MAGI2: variants seen among roughly 807,000 people sequenced by gnomAD.
The protein encoded by MAGI2 is membrane associated guanylate kinase, WW and PDZ domain containing 2.
MAGI2 carries 35 observed loss-of-function variants against 133.3 expected under a neutral mutation model. That is an observed-to-expected ratio of 0.26 (90% confidence interval 0.20 to 0.35). The LOEUF is 0.35. Ranked by LOEUF, MAGI2 falls within the 10% of genes least tolerant of loss-of-function variation. MAGI2 has a pLI of 1.00. For synonymous variants in MAGI2, 729 were observed against 710.6 expected, an observed-to-expected ratio of 1.03 and a Z score of -0.41; for missense variants, 1,636 against 1,863.4, an observed-to-expected ratio of 0.88 and a Z score of 2.25.
intron 9 of MAGI2, among the ~76,000 whole-genome samples, chr7:78,319,140 C>A (rs1787729024): frequency 6.6e-6 from 1 of 152,148 alleles, no homozygotes; most frequent in Admixed American, 6.5e-5. Flanking sequence ...TGTAAATGGA[C>A]TAAATGCCCC....
intron 1 of MAGI2, among the ~76,000 whole-genome samples, chr7:79,385,869 ATAG>A (rs1487963755): frequency 6.6e-6 from 1 of 151,966 alleles, no homozygotes; most frequent in Middle Eastern, 3.2e-3. Flanking sequence ...TAACTGTGAG[ATAG>A]TAGATGTTAA....
At chr7:78,410,251 G>T (rs1311845432) in intron 6 of MAGI2, among the ~76,000 whole-genome samples, 1 of 151,926 alleles carries the variant, frequency 6.6e-6, no homozygotes, top group South Asian at 2.1e-4. Flanking sequence ...CAGAATAAGC[G>T]GGATTAAAAC....
Position 78,446,376 on chromosome 7 carries a change from A to G in MAGI2, c.1045+43385T>C, listed in dbSNP as rs189484371. Among the ~76,000 whole-genome samples, 26 of 152,220 alleles carry G rather than the reference A, an allele frequency of 1.7e-4. No individual in the cohort carries two copies. In the East Asian group the frequency reaches 3.9e-3, roughly 23 times the overall value. On this transcript the variant is annotated intron_variant, in intron 6 of 21. Coordinates refer to ENST00000354212, the MANE Select transcript of MAGI2 (RefSeq NM_012301.4). ...TGTGGGACTTTCAATGGTAATCAAC[A>G]TATCCTGGAAGGACATATAAAAATG...
At chr7:79,177,607 G>A (rs965232648) in intron 1 of MAGI2, among the ~76,000 whole-genome samples, 1 of 152,050 alleles carries the variant, frequency 6.6e-6, no homozygotes, top group East Asian at 1.9e-4. Flanking sequence ...CATTTTCTAT[G>A]CACTCAGCAA....
chr7:78,651,570 T>C (rs2151015046), intron 2 of MAGI2, among the ~76,000 whole-genome samples: 1 of 152,148 alleles, frequency 6.6e-6, no homozygotes, highest in Non-Finnish European at 1.5e-5. Context: ...GAAAATAACT[T>C]CCAATAATAT....
chr7:78,783,713 A>G (rs1257517153), intron 2 of MAGI2, among the ~76,000 whole-genome samples: 2 of 152,168 alleles, frequency 1.3e-5, no homozygotes, highest in African/African-American at 4.8e-5. Flanking sequence ...TCCTCAAGCA[A>G]CCACATCCAC....
At chr7:78,464,855 A>G (rs1276522046) in intron 6 of MAGI2, among the ~76,000 whole-genome samples, 1 of 152,086 alleles carries the variant, frequency 6.6e-6, no homozygotes, top group Non-Finnish European at 1.5e-5. Context: ...GCTTTAAGAA[A>G]TGCTTGATGA....
intron 1 of MAGI2, among the ~76,000 whole-genome samples, chr7:79,191,372 T>TTTC (rs1214623098): frequency 6.7e-6 from 1 of 149,242 alleles, no homozygotes; most frequent in African/African-American, 2.5e-5. Flanking sequence ...TTCCTGAGCA[T>TTTC]TTCTTCTTTT....
chr7:79,077,387 C>A (rs1815564271), intron 1 of MAGI2, among the ~76,000 whole-genome samples: 1 of 150,818 alleles, frequency 6.6e-6, no homozygotes, highest in Admixed American at 6.6e-5. Flanking sequence ...GAAACCCCGT[C>A]TCTAATAAAA....
intron 1 of MAGI2, among the ~76,000 whole-genome samples, chr7:79,376,407 C>T (rs1474501333): frequency 6.6e-6 from 1 of 151,764 alleles, no homozygotes; most frequent in Non-Finnish European, 1.5e-5. Context: ...TAATAAAATG[C>T]CTACATGATA....
intron 2 of MAGI2, among the ~76,000 whole-genome samples, chr7:78,961,784 A>T (rs1802863833): frequency 6.6e-6 from 1 of 152,034 alleles, no homozygotes; most frequent in Non-Finnish European, 1.5e-5. Flanking sequence ...AACAAAGGGG[A>T]TATATCTGAG....
chr7:78,736,817 C>T (rs1381984127), intron 2 of MAGI2, among the ~76,000 whole-genome samples: 1 of 152,042 alleles, frequency 6.6e-6, no homozygotes. Context: ...AAGAATGTCC[C>T]TGACCAAACA....
At chr7:78,599,921 T>A (rs896015383) in intron 3 of MAGI2, among the ~76,000 whole-genome samples, 1 of 152,206 alleles carries the variant, frequency 6.6e-6, no homozygotes, top group Non-Finnish European at 1.5e-5. Flanking sequence ...GAACCTTTCG[T>A]GTGAACTTTG....
At chr7:78,555,224 AGAT>A (rs1799714649) in intron 3 of MAGI2, among the ~76,000 whole-genome samples, 2 of 101,354 alleles carry the variant, frequency 2.0e-5, no homozygotes, top group South Asian at 3.7e-4. Context: ...ATAGATAGAC[AGAT>A]AGATAGATAG....
chr7:78,304,289 C>A lies in MAGI2; in HGVS notation c.1408+39489G>T, dbSNP rs550597977. On this transcript the variant is annotated intron_variant, in intron 9 of 21. Transcript: ENST00000354212. ...AACAGGGCTCATGCTATCTTTCTGA[C>A]ATAATCTCCTATCACTCTCCTTAGC... 2.6e-5 allele frequency among the ~76,000 whole-genome samples: 4 copies of A among 152,268 alleles called. No individual in the cohort carries two copies. The East Asian group carries it at 7.7e-4, about 29-fold the overall frequency.
chr7:78,419,370 C>G (rs988370423), intron 6 of MAGI2, among the ~76,000 whole-genome samples: 2 of 147,698 alleles, frequency 1.4e-5, no homozygotes, highest in Admixed American at 1.4e-4. Context: ...ATTTACCGGC[C>G]TATGTTAATT....
chr7:78,419,407 G>GCGTT (rs386410528), intron 6 of MAGI2, among the ~76,000 whole-genome samples: 5 of 151,700 alleles, frequency 3.3e-5, no homozygotes, highest in Non-Finnish European at 7.4e-5. Flanking sequence ...GCTTGTGTGT[G>GCGTT]TGTGTGTAAG....
intron 2 of MAGI2, among the ~76,000 whole-genome samples, chr7:78,801,965 T>C (rs1281181471): frequency 6.6e-6 from 1 of 152,168 alleles, no homozygotes; most frequent in Non-Finnish European, 1.5e-5. Flanking sequence ...GAGCAGAGAA[T>C]ATCTGCAACT....
intron 2 of MAGI2, among the ~76,000 whole-genome samples, chr7:78,968,120 C>T (rs1261483743): frequency 2.0e-5 from 3 of 152,208 alleles, no homozygotes; most frequent in Middle Eastern, 3.4e-3. Flanking sequence ...CGTGAGCCAC[C>T]GCACCCTGCC....
Sources: allele counts gnomAD v4.1 joint callset (sites outside exome capture counted in the v4.1 genomes callset), GRCh38; gene constraint gnomAD v4.1.1; transcripts MANE v1.5; gene names NCBI Gene and HGNC (gene_info 2026-07-23, HGNC 2026-07-21).